Variants in ADAM10 observed in about 807,000 individuals in gnomAD.
ADAM10 encodes the protein ADAM metallopeptidase domain 10, also known as disintegrin and metalloproteinase domain-containing protein 10.
ADAM10 carries 17 observed loss-of-function variants against 90.1 expected under a neutral mutation model. The ratio of observed to expected loss-of-function variants is 0.19; its 90% CI spans 0.13 to 0.28. The LOEUF (loss-of-function observed/expected upper bound fraction) is 0.28. Among genes scored for constraint, ADAM10 ranks in the 10% least tolerant of loss-of-function variants. The pLI, the probability that ADAM10 is intolerant of heterozygous loss-of-function variation, is 1.00. For synonymous variants in ADAM10, 310 were observed against 298.6 expected (o/e 1.04, Z -0.40); for missense variants, 610 against 914.3 (o/e 0.67, Z 4.29).
At chr15:58,698,366 G>C (rs1325782793) in intron 2 of ADAM10, 1 of 396,430 alleles carries the variant, frequency 2.5e-6, no homozygotes, top group South Asian at 1.8e-5. Context: ...CAACCCAGGA[G>C]TTTGAGACCA....
At chr15:58,641,724 T>C (rs1203784185) in intron 7 of ADAM10, among the ~76,000 whole-genome samples, 1 of 152,198 alleles carries the variant, frequency 6.6e-6, no homozygotes, top group East Asian at 1.9e-4. Context: ...CAGAGACCTG[T>C]GTGTCTCCTC....
At chr15:58,730,008 A>AAAAAAAAAAC (rs1567016190) in intron 1 of ADAM10, among the ~76,000 whole-genome samples, 2 of 141,532 alleles carry the variant, frequency 1.4e-5, no homozygotes, top group African/African-American at 2.6e-5. Flanking sequence ...ACAAACAAAA[A>AAAAAAAAAAC]AAAAAACTCA....
At position 58,597,479 on chromosome 15, in the gene ADAM10, A is replaced by C. The variant is rs766228835; in HGVS notation, c.*68T>G. The C allele has an allele frequency of 1.2e-6, 2 of 1,612,080 alleles. No individual in the cohort carries two copies. Among genetic ancestry groups the C allele is most frequent in the East Asian group, 4.5e-5 (2 of 44,846 alleles). ...GGTTTAGTTTGGAGATGATGACTTA[A>C]TAGGTTTCTCTTTGGAGTGAAGTTT... On this transcript the variant is annotated 3_prime_UTR_variant, in exon 16 of 16. Coordinates refer to ENST00000260408, the MANE Select transcript of ADAM10 (RefSeq NM_001110.4).
chr15:58,705,762 AC>A (rs1355344130), intron 2 of ADAM10, among the ~76,000 whole-genome samples: 1 of 152,188 alleles, frequency 6.6e-6, no homozygotes, highest in Non-Finnish European at 1.5e-5. Flanking sequence ...GTCCCCTCTT[AC>A]CCACATTGTT....
chr15:58,655,701 T>TATC (rs1307917936), intron 5 of ADAM10, among the ~76,000 whole-genome samples: 2 of 62,756 alleles, frequency 3.2e-5, no homozygotes, highest in African/African-American at 2.4e-4. Flanking sequence ...ATATAGTATA[T>TATC]ATATATATAG....
rs1896368410 is a variant in ADAM10, at chr15:58,639,833, ATAAAC to A, written c.1012+939_1012+943del. 3.3e-5 allele frequency among the ~76,000 whole-genome samples: 5 copies of A among 152,284 alleles called. No individual in the cohort carries two copies. The South Asian group carries it at 1.0e-3, about 32-fold the overall frequency. ...TAAAATATACAAAACAAATCAAAGA[ATAAAC>A]TAATAAGAATAGGAATACAAAAGCT... On this transcript the variant is annotated intron_variant, in intron 8 of 15. Transcript: ENST00000260408.
intron 11 of ADAM10, among the ~76,000 whole-genome samples, chr15:58,619,190 G>A (rs913735499): frequency 2.0e-5 from 3 of 152,154 alleles, no homozygotes; most frequent in Middle Eastern, 3.4e-3. Context: ...TAACATGAAC[G>A]GAAATAGAAG....
At chr15:58,742,449 C>T (rs573086971) in intron 1 of ADAM10, among the ~76,000 whole-genome samples, 1 of 152,308 alleles carries the variant, frequency 6.6e-6, no homozygotes, top group East Asian at 1.9e-4. Flanking sequence ...ACATTACATA[C>T]ATTTTCGACT....
chr15:58,669,186 G>A (rs1268987804), intron 4 of ADAM10, among the ~76,000 whole-genome samples: 2 of 152,196 alleles, frequency 1.3e-5, no homozygotes, highest in Non-Finnish European at 2.9e-5. Flanking sequence ...GTCTAGCTGA[G>A]GTGTCTGACA....
chr15:58,726,857 G>A (rs186307623), intron 1 of ADAM10, among the ~76,000 whole-genome samples: 53 of 147,508 alleles, frequency 3.6e-4, no homozygotes, highest in Non-Finnish European at 3.9e-4. Context: ...CTGGACAACA[G>A]AGAGAGATCT....
At chr15:58,689,944 A>ATCCC (rs1897728131) in intron 2 of ADAM10, among the ~76,000 whole-genome samples, 1 of 75,236 alleles carries the variant, frequency 1.3e-5, no homozygotes, top group Non-Finnish European at 2.6e-5. Flanking sequence ...CCAAAGACAG[A>ATCCC]CCCCCCCCAA....
At chr15:58,687,777 T>C (rs1897645546) in intron 2 of ADAM10, among the ~76,000 whole-genome samples, 1 of 152,128 alleles carries the variant, frequency 6.6e-6, no homozygotes, top group South Asian at 2.1e-4. Flanking sequence ...TCAAAAAAAT[T>C]ATGCTGAGTG....
intron 5 of ADAM10, among the ~76,000 whole-genome samples, chr15:58,664,266 ACTACT>A (rs1414230947): frequency 6.6e-6 from 1 of 151,926 alleles, no homozygotes; most frequent in Non-Finnish European, 1.5e-5. Context: ...ACCCTCTCCT[ACTACT>A]CTAAATTGTT....
chr15:58,700,859 T>C (rs1366055669), intron 2 of ADAM10, among the ~76,000 whole-genome samples: 1 of 150,246 alleles, frequency 6.7e-6, no homozygotes, highest in Non-Finnish European at 1.5e-5. Flanking sequence ...TAAAAAAATG[T>C]AAAAAAAACA....
In ADAM10 at chr15:58,621,262, C is replaced by CAAAAAA. The variant is rs749439192; in HGVS notation, c.1511+203_1511+208dup. On this transcript the variant is annotated intron_variant, in intron 11 of 15. Transcript: ENST00000260408. ...TGGGCAACAGAGCGAGACCCTGTCT[C>CAAAAAA]AAAAAAAAAAAAAAAAAAAAAAAAA... 5.5e-4 allele frequency among the ~76,000 whole-genome samples: 14 copies of CAAAAAA among 25,278 alleles called. 1 individual carries two copies. Among genetic ancestry groups the CAAAAAA allele is most frequent in the East Asian group, 1.5e-3 (1 of 674 alleles). 16.6% of individuals were successfully genotyped at this position (25,278 alleles called of 152,430 possible). A position where few individuals can be genotyped will look rare whatever the true frequency, so the allele number is the denominator to read the frequency against.
chr15:58,736,208 C>A (rs1231337215), intron 1 of ADAM10, among the ~76,000 whole-genome samples: 6 of 152,086 alleles, frequency 3.9e-5, no homozygotes, highest in Non-Finnish European at 8.8e-5. Flanking sequence ...TGCTATTATT[C>A]CTACATAAAA....
Position 58,655,744 on chromosome 15 carries a change from T to TC in ADAM10, c.585+9352_585+9353insG. On this transcript the variant is annotated intron_variant, in intron 5 of 15. Transcript: ENST00000260408. ...ATATATATATATATATATATATTCTTTTTTTTTTTTTTTTTTTTTTGAAAC... is the reference window on the plus strand; with the variant it reads ...ATATATATATATATATATATATTCTTCTTTTTTTTTTTTTTTTTTTTGAAAC... Among the ~76,000 whole-genome samples, 5 of 37,584 alleles carry TC rather than the reference T, an allele frequency of 1.3e-4. No individual in the cohort carries two copies. The African/African-American group carries it at 1.4e-3, about 10-fold the overall frequency. The allele number at this position is 37,584 out of a possible 152,430, so 24.7% of individuals were successfully genotyped here.
In ADAM10 at chr15:58,611,043, C is replaced by T. The variant is rs201624926; in HGVS notation, c.1760G>A (p.Gly587Asp). 9 of 1,613,738 alleles carry T rather than the reference C, an allele frequency of 5.6e-6. No individual in the cohort carries two copies. The highest frequency in any genetic ancestry group is 1.1e-5 in the South Asian group (1 of 91,086). ...LEECTCASSD[G>D]KDDKELCHVC... is the part of the protein sequence containing the mutation. ...ATGGCATAATTCTTTATCATCTTTG[C>T]CATCAGAACTGGCACACGTACACTC... Residue 587 changes from glycine to aspartate, a missense_variant, in exon 13 of 16, where the codon GGC becomes GAC. Physicochemically the swap from Gly to Asp is moderately conservative, Grantham distance 94. Around this residue, in one of 4 missense-constraint regions of ADAM10, gnomAD observed 150 missense variants for 268.5 expected, o/e 0.56. Coordinates refer to ENST00000260408, the MANE Select transcript of ADAM10 (RefSeq NM_001110.4).
At chr15:58,731,360 T>A (rs437549) in intron 1 of ADAM10, among the ~76,000 whole-genome samples, 5,320 of 152,232 alleles carry the variant, frequency 0.035, 101 homozygotes, top group Middle Eastern at 0.051. Flanking sequence ...GGCTCACACC[T>A]GTAATCCTAA....
Sources: allele counts gnomAD v4.1 joint callset (sites outside exome capture counted in the v4.1 genomes callset), GRCh38; gene constraint gnomAD v4.1.1; regional missense constraint gnomAD v4.1.1; transcripts MANE v1.5; gene names NCBI Gene and HGNC (gene_info 2026-07-23, HGNC 2026-07-21).